Variants in TNRC6B observed in about 807,000 individuals in gnomAD.
TNRC6B encodes the protein trinucleotide repeat-containing gene 6B protein.
In TNRC6B, 52 loss-of-function variants were observed where a neutral mutation model predicts 203.6. That is an observed-to-expected ratio of 0.26 (90% CI 0.20 to 0.32). The LOEUF (loss-of-function observed/expected upper bound fraction) is 0.32. TNRC6B is among the 10% of genes least tolerant of loss of function. The probability of loss-of-function intolerance (pLI) is 1.00; values close to 1 mark genes in which losing one functional copy is unlikely to be tolerated. For missense variants in TNRC6B, 1,923 were observed against 2,286.2 expected (o/e 0.84, Z 3.24); for synonymous variants, 838 against 845.7 (o/e 0.99, Z 0.16).
chr22:40,098,813 G>T (rs923488473), intron 1 of TNRC6B, among the ~76,000 whole-genome samples: 1 of 151,800 alleles, frequency 6.6e-6, no homozygotes, highest in Non-Finnish European at 1.5e-5. Context: ...CTGCAATCTC[G>T]AACTCCTGGG....
chr22:40,276,702 G>C (rs1247045091), intron 7 of TNRC6B: 1 of 159,808 alleles, frequency 6.3e-6, no homozygotes, highest in Non-Finnish European at 1.4e-5. Context: ...ACATCAAACT[G>C]TTTTCTCCTA....
chr22:40,307,863 T>C (rs958525089), intron 15 of TNRC6B, among the ~76,000 whole-genome samples: 2 of 152,144 alleles, frequency 1.3e-5, no homozygotes, highest in African/African-American at 4.8e-5. Context: ...ACTATCTTCT[T>C]ATCCTAGAGA....
At chr22:40,136,816 A>G (rs1342282254) in intron 3 of TNRC6B, among the ~76,000 whole-genome samples, 1 of 152,212 alleles carries the variant, frequency 6.6e-6, no homozygotes, top group Non-Finnish European at 1.5e-5. Flanking sequence ...CTGCAAATAA[A>G]TATTTACTGA....
At chr22:40,080,065 G>A (rs1431402917) in intron 1 of TNRC6B, among the ~76,000 whole-genome samples, 1 of 150,132 alleles carries the variant, frequency 6.7e-6, no homozygotes, top group African/African-American at 2.5e-5. Flanking sequence ...AAAGTGTTGG[G>A]ATTACAGACG....
rs529934476 is a variant in TNRC6B, at chr22:40,077,547, C to T, written c.-121+32549C>T. Among the ~76,000 whole-genome samples the T allele has an allele frequency of 1.3e-3, 191 of 152,166 alleles. 1 individual carries two copies. The highest frequency in any genetic ancestry group is 4.1e-3 in the African/African-American group (169 of 41,520). ...AATTTTTATTTCTGAATCACACATACGGTGATTCAGTATTTTGCATTTGCT... is the reference window on the plus strand; with the variant it reads ...AATTTTTATTTCTGAATCACACATATGGTGATTCAGTATTTTGCATTTGCT... On this transcript the variant is annotated intron_variant, in intron 1 of 23. Coordinates refer to the TNRC6B transcript ENST00000301923.
chr22:40,229,991 G>T (rs923965009), intron 1 of TNRC6B, among the ~76,000 whole-genome samples: 1 of 152,118 alleles, frequency 6.6e-6, no homozygotes, highest in Admixed American at 6.6e-5. Flanking sequence ...ATGAATGGCT[G>T]GGTCATATAG....
chr22:40,309,345 C>T (rs751436305), intron 16 of TNRC6B, among the ~76,000 whole-genome samples: 3 of 152,162 alleles, frequency 2.0e-5, no homozygotes, highest in East Asian at 1.9e-4. Context: ...AATAGGTGTC[C>T]GGCTGTTCCT....
At chr22:40,299,144 CA>C (rs1252985941) in intron 12 of TNRC6B, among the ~76,000 whole-genome samples, 110 of 43,926 alleles carry the variant, frequency 2.5e-3, no homozygotes, top group Middle Eastern at 0.011. Context: ...GACCCTGTCT[CA>C]AAAAAAAAAA....
At chr22:40,322,338 G>A (rs1209564683) in intron 22 of TNRC6B, among the ~76,000 whole-genome samples, 1 of 152,172 alleles carries the variant, frequency 6.6e-6, no homozygotes, top group Middle Eastern at 3.2e-3. Flanking sequence ...TGGTGCATTT[G>A]TCAAGATTGC....
intron 1 of TNRC6B, among the ~76,000 whole-genome samples, chr22:40,112,305 T>C (rs1799957979): frequency 6.6e-6 from 1 of 152,212 alleles, no homozygotes; most frequent in Non-Finnish European, 1.5e-5. Context: ...ACCTGCTCCA[T>C]GTCAGATTGG....
At chr22:40,114,278 C>A (rs920462099) in intron 1 of TNRC6B, among the ~76,000 whole-genome samples, 1 of 151,980 alleles carries the variant, frequency 6.6e-6, no homozygotes, top group African/African-American at 2.4e-5. Context: ...TAATTAAATC[C>A]TGTGAGTTTA....
chr22:40,096,696 A>G (rs2068188364), intron 1 of TNRC6B, among the ~76,000 whole-genome samples: 1 of 152,194 alleles, frequency 6.6e-6, no homozygotes, highest in Admixed American at 6.5e-5. Flanking sequence ...TGCCAGATAT[A>G]TGCCAACGAA....
chr22:40,302,502 A>C (rs375174842), intron 15 of TNRC6B, among the ~76,000 whole-genome samples: 35 of 152,084 alleles, frequency 2.3e-4, no homozygotes, highest in African/African-American at 8.4e-4. Flanking sequence ...ACGTTGTGGC[A>C]TGCGCCTCTA....
rs138978411 is a variant in TNRC6B at position 40,194,903 on chromosome 22, G to A, written c.5+16763G>A. ...AACACTGGTGCATCTGCAGTGGTTT[G>A]GGGAGGACGTCTGAGTCCTGTGATG... On this transcript the variant is annotated intron_variant, in intron 1 of 22. Transcript: ENST00000454349. Among the ~76,000 whole-genome samples the A allele has an allele frequency of 9.7e-4, 148 of 152,300 alleles. 1 individual carries two copies. Among genetic ancestry groups the A allele is most frequent in the East Asian group, 1.2e-3 (6 of 5,182 alleles).
intron 1 of TNRC6B, among the ~76,000 whole-genome samples, chr22:40,186,422 T>G (rs530159513): frequency 8.0e-4 from 122 of 152,060 alleles, no homozygotes; most frequent in Non-Finnish European, 1.5e-3. Flanking sequence ...GTGTGTTATT[T>G]TAAATTTTCC....
intron 3 of TNRC6B, among the ~76,000 whole-genome samples, chr22:40,261,317 G>A (rs1014198998): frequency 1.3e-5 from 2 of 151,870 alleles, no homozygotes; most frequent in Non-Finnish European, 1.5e-5. Flanking sequence ...AGTGGCTCAT[G>A]CCTGTAATCT....
chr22:40,166,528 G>A (rs1206191077), intron 4 of TNRC6B, among the ~76,000 whole-genome samples: 1 of 151,600 alleles, frequency 6.6e-6, no homozygotes, highest in Admixed American at 6.6e-5. Context: ...CTATAGCATG[G>A]TAGACCAAAA....
intron 4 of TNRC6B, among the ~76,000 whole-genome samples, chr22:40,163,767 CA>C (rs1031984200): frequency 1.3e-5 from 2 of 151,362 alleles, no homozygotes; most frequent in African/African-American, 4.9e-5. Flanking sequence ...GTCTCAAAAA[CA>C]AAAAGAAAGA....
At chr22:40,287,990 C>CA (rs1453717384) in intron 12 of TNRC6B, among the ~76,000 whole-genome samples, 3 of 152,190 alleles carry the variant, frequency 2.0e-5, no homozygotes, top group African/African-American at 7.2e-5. Flanking sequence ...TTCTAAGCAG[C>CA]AGGAGCCTCA....
Sources: gnomAD v4.1 joint callset for allele counts (sites outside exome capture counted in the v4.1 genomes callset) on GRCh38, gnomAD v4.1.1 for gene constraint, MANE v1.5 for transcripts, NCBI Gene and HGNC (gene_info 2026-07-23, HGNC 2026-07-21) for gene names.